The following KCNQ1 variants were observed in gnomAD, a reference collection of about 807,000 sequenced individuals.
KCNQ1 encodes potassium voltage-gated channel subfamily Q member 1, also known as potassium voltage-gated channel subfamily KQT member 1.
A neutral mutation model predicts 72.4 loss-of-function variants in KCNQ1; 49 were observed. The ratio of observed to expected loss-of-function variants is 0.68; its 90% CI spans 0.54 to 0.86. The LOEUF (loss-of-function observed/expected upper bound fraction) is 0.86, where lower values mean the gene tolerates loss of function less well. Ranked by LOEUF, KCNQ1 falls within the 40% of genes least tolerant of loss-of-function variation. KCNQ1 has a pLI of 0.00. For synonymous variants in KCNQ1, 450 were observed against 412.6 expected (o/e 1.09, Z -1.10); for missense variants, 790 against 945.1 (o/e 0.84, Z 2.15).
chr11:2,520,474 C>T (rs1847363221), intron 1 of KCNQ1, among the ~76,000 whole-genome samples: 1 of 152,174 alleles, frequency 6.6e-6, no homozygotes, highest in Non-Finnish European at 1.5e-5. Flanking sequence ...CCTCCAAACC[C>T]TGCTGAGGCT....
Position 2,653,760 on chromosome 11 carries a change from TGG to T in KCNQ1, c.1394-8198_1394-8197del. Reference sequence around the variant, plus strand: ...AGGCCAGGTTCTTATTGGCCTCAGCTGGGGTACAAGCCATCCTTGGACCTGCA... The same window carrying T: ...AGGCCAGGTTCTTATTGGCCTCAGCTGGTACAAGCCATCCTTGGACCTGCA... On this transcript the variant is annotated intron_variant, in intron 10 of 15. Coordinates refer to ENST00000155840, the MANE Select transcript of KCNQ1 (RefSeq NM_000218.3). The surrounding 1 kb of genome is among the most constrained non-coding windows in gnomAD (Gnocchi z 5.3). 2.5e-6 allele frequency: 1 copy of T among 398,654 alleles called. No homozygotes were observed. The highest frequency in any genetic ancestry group is 1.3e-4 in the South Asian group (1 of 7,858). 24.7% of individuals were successfully genotyped at this position (398,654 alleles called of 1,614,324 possible). A position where few individuals can be genotyped will look rare whatever the true frequency, so the allele number is the denominator to read the frequency against.
In KCNQ1 at chr11:2,662,548, T is replaced by C. The variant is rs1169834253; in HGVS notation, c.1514+467T>C. ...TGGCTGATTTTCCACGCCTTCCAGT[T>C]GGCCTTCCCCTGAGGCACAGCTGGC... On this transcript the variant is annotated intron_variant, in intron 11 of 15. Transcript: ENST00000155840. 7 of 428,052 alleles carry C rather than the reference T, an allele frequency of 1.6e-5. No individual in the cohort carries two copies. In the East Asian group the frequency reaches 2.3e-4, roughly 14 times the overall value. 26.5% of individuals were successfully genotyped at this position (428,052 alleles called of 1,614,324 possible).
In KCNQ1 at chr11:2,599,280, CTT is replaced by C. The variant is rs148112278; in HGVS notation, c.1393+10427_1393+10428del. ...ATCATATCATACCTGCTTTCTGCAT[CTT>C]GTTTTTCTCAATCAGTAAAATAGTA... On this transcript the variant is annotated intron_variant, in intron 10 of 15. Transcript: ENST00000155840. The surrounding 1 kb of genome is among the most constrained non-coding windows in gnomAD (Gnocchi z 4.7). Among the ~76,000 whole-genome samples the C allele has an allele frequency of 8.2e-3, 1,242 of 152,286 alleles. 11 individuals carry two copies. Among genetic ancestry groups the C allele is most frequent in the African/African-American group, 0.028 (1,147 of 41,546 alleles).
chr11:2,696,014 A>G (rs184376472), intron 11 of KCNQ1: 76 of 398,646 alleles, frequency 1.9e-4, no homozygotes, highest in African/African-American at 1.5e-3. Flanking sequence ...TCATGAGTGT[A>G]AAAGTGAAAA....
rs1849180997 is a variant in KCNQ1, at chr11:2,621,982, T to A, written c.1393+33128T>A. 1 of 398,280 alleles carries A rather than the reference T, an allele frequency of 2.5e-6. No individual in the cohort carries two copies. Among genetic ancestry groups the A allele is most frequent in the Admixed American group, 4.4e-5 (1 of 22,706 alleles). 24.7% of individuals were successfully genotyped at this position (398,280 alleles called of 1,614,324 possible). On this transcript the variant is annotated intron_variant, in intron 10 of 15. Transcript: ENST00000155840. This position sits in a 1 kb window ranked among gnomAD's most constrained non-coding sequence, Gnocchi z 5.7. ...TTTGGGCTATTTGAAATATCTCTTC[T>A]TTTTTAATGTAGGCAAGGCATTTAT...
chr11:2,460,283 T>G (rs1435573110), intron 1 of KCNQ1, among the ~76,000 whole-genome samples: 3 of 152,246 alleles, frequency 2.0e-5, no homozygotes, highest in African/African-American at 7.2e-5. Flanking sequence ...CCTGTGCTGC[T>G]GGCCTGCATT....
Position 2,651,968 on chromosome 11 carries a change from G to A in KCNQ1, c.1394-9993G>A. On this transcript the variant is annotated intron_variant, in intron 10 of 15. Transcript: ENST00000155840. This position sits in a 1 kb window ranked among gnomAD's most constrained non-coding sequence, Gnocchi z 6.1. ...CAGCCAGCAGCAGTGGGGGAGCCAA[G>A]CTGAGTTGATTACTTTTGACATCAG... 1 of 398,716 alleles carries A rather than the reference G, an allele frequency of 2.5e-6. No individual in the cohort carries two copies. Among genetic ancestry groups the A allele is most frequent in the South Asian group, 1.3e-4 (1 of 7,862 alleles). 24.7% of individuals were successfully genotyped at this position (398,716 alleles called of 1,614,324 possible). A position where few individuals can be genotyped will look rare whatever the true frequency, so the allele number is the denominator to read the frequency against.
chr11:2,465,356 A>G (rs1338983004), intron 1 of KCNQ1, among the ~76,000 whole-genome samples: 5 of 152,130 alleles, frequency 3.3e-5, no homozygotes, highest in African/African-American at 4.8e-5. Flanking sequence ...GCTCTTGGGC[A>G]GTGCACTGTC....
At chr11:2,689,579 C>CA (rs1850555647) in intron 11 of KCNQ1, 2 of 398,540 alleles carry the variant, frequency 5.0e-6, no homozygotes, top group South Asian at 1.3e-4. Context: ...AATCTGTTAG[C>CA]AGTGGTGTCT....
rs545035402 is a variant in KCNQ1, at chr11:2,575,887, C to A, written c.921+2901C>A. 4.6e-5 allele frequency among the ~76,000 whole-genome samples: 7 copies of A among 152,348 alleles called. No individual in the cohort carries two copies. The South Asian group carries it at 1.2e-3, about 27-fold the overall frequency. On this transcript the variant is annotated intron_variant, in intron 6 of 15. Coordinates refer to ENST00000155840, the MANE Select transcript of KCNQ1 (RefSeq NM_000218.3). Reference sequence around the variant, plus strand: ...AACAGAAACTCATGGGCTCTAGAGGCCAGAGCCCGAAGCGAGGTGTGCACA... The same window carrying A: ...AACAGAAACTCATGGGCTCTAGAGGACAGAGCCCGAAGCGAGGTGTGCACA...
chr11:2,741,437 G>A (rs1444007052), intron 11 of KCNQ1, among the ~76,000 whole-genome samples: 1 of 152,172 alleles, frequency 6.6e-6, no homozygotes, highest in Non-Finnish European at 1.5e-5. Context: ...CCTCGGGGCT[G>A]CACACGTGTA....
In KCNQ1 at chr11:2,463,395, C is replaced by A. The variant is rs1048664775; in HGVS notation, c.386+17911C>A. Among the ~76,000 whole-genome samples, 2 of 152,206 alleles carry A rather than the reference C, an allele frequency of 1.3e-5. No individual in the cohort carries two copies. The highest frequency in any genetic ancestry group is 2.4e-5 in the African/African-American group (1 of 41,456). ...CGGCTGCTCAAGGAGCCTGGTACAG[C>A]TGCACGGAGGCGCAGCACCCACAGG... On this transcript the variant is annotated intron_variant, in intron 1 of 15. Coordinates refer to ENST00000155840, the MANE Select transcript of KCNQ1 (RefSeq NM_000218.3). This position sits in a 1 kb window ranked among gnomAD's most constrained non-coding sequence, Gnocchi z 7.0.
rs1343683316 is a variant in KCNQ1 at position 2,817,885 on chromosome 11, T to C, written c.1795-29882T>C. The stretch of plus-strand genomic sequence containing the variant: ...CACTCTCCCCTCCCCAGCCAGCACC[T>C]ACCAGCTTTGCGCAAATGCTCCACA... On this transcript the variant is annotated intron_variant, in intron 15 of 15. Coordinates refer to ENST00000155840, the MANE Select transcript of KCNQ1 (RefSeq NM_000218.3). The surrounding 1 kb of genome is among the most constrained non-coding windows in gnomAD (Gnocchi z 6.1). Among the ~76,000 whole-genome samples, 1 of 152,098 alleles carries C rather than the reference T, an allele frequency of 6.6e-6. No individual in the cohort carries two copies. The highest frequency in any genetic ancestry group is 1.9e-4 in the East Asian group (1 of 5,186).
At position 2,457,688 on chromosome 11, in the gene KCNQ1, G is replaced by A. The variant is rs1432240546; in HGVS notation, c.386+12204G>A. Among the ~76,000 whole-genome samples the A allele has an allele frequency of 2.6e-5, 4 of 152,084 alleles. No individual in the cohort carries two copies. Among genetic ancestry groups the A allele is most frequent in the Non-Finnish European group, 2.9e-5 (2 of 68,032 alleles). On this transcript the variant is annotated intron_variant, in intron 1 of 15. Coordinates refer to ENST00000155840, the MANE Select transcript of KCNQ1 (RefSeq NM_000218.3). The surrounding 1 kb of genome is among the most constrained non-coding windows in gnomAD (Gnocchi z 5.0). ...TACCTGTGGGTGCTGTGCGCACTAC[G>A]TGGGAGACCGGATCGTTTGTACTCC...
chr11:2,607,094 G>A (rs983320065), intron 10 of KCNQ1, among the ~76,000 whole-genome samples: 20 of 151,536 alleles, frequency 1.3e-4, no homozygotes, highest in Non-Finnish European at 2.1e-4. Flanking sequence ...TAGTAAAGAC[G>A]GGGTTTCACC....
At chr11:2,680,041 C>G (rs954377431) in intron 11 of KCNQ1, 1 of 396,140 alleles carries the variant, frequency 2.5e-6, no homozygotes, top group African/African-American at 2.1e-5. Flanking sequence ...CTACAGACAT[C>G]TGCCACCATG....
intron 11 of KCNQ1, among the ~76,000 whole-genome samples, chr11:2,753,846 C>G (rs896638876): frequency 3.3e-5 from 5 of 152,166 alleles, no homozygotes; most frequent in Admixed American, 6.5e-5. Context: ...GAGGCTCACT[C>G]CATTACAACA....
In KCNQ1 at chr11:2,562,103, AC is replaced by A. The variant is rs1848177559; in HGVS notation, c.478-8522del. On this transcript the variant is annotated intron_variant, in intron 2 of 15. Transcript: ENST00000155840. This position sits in a 1 kb window ranked among gnomAD's most constrained non-coding sequence, Gnocchi z 7.5. ...AGGGCAGCCGGACCCCGACTGTGCC[AC>A]CCTCAGCCCAGTGGATGGTGCATCT... Among the ~76,000 whole-genome samples, 1 of 146,824 alleles carries A rather than the reference AC, an allele frequency of 6.8e-6. No individual in the cohort carries two copies. Among genetic ancestry groups the A allele is most frequent in the Non-Finnish European group, 1.5e-5 (1 of 67,386 alleles).
chr11:2,770,974 G>A lies in KCNQ1; in HGVS notation c.1590+2055G>A, dbSNP rs1046018578. Among the ~76,000 whole-genome samples the A allele has an allele frequency of 6.6e-5, 10 of 152,384 alleles. No homozygotes were observed. The East Asian group carries it at 9.6e-4, about 15-fold the overall frequency. ...GGGAAGGGCCAGGGTGTGTCAGTTCGCTGGAGAACAGCATGGTCGTGACAG... is the reference window on the plus strand; with the variant it reads ...GGGAAGGGCCAGGGTGTGTCAGTTCACTGGAGAACAGCATGGTCGTGACAG... On this transcript the variant is annotated intron_variant, in intron 12 of 15. Transcript: ENST00000155840.
Sources: allele counts gnomAD v4.1 joint callset (sites outside exome capture counted in the v4.1 genomes callset), GRCh38; gene constraint gnomAD v4.1.1; non-coding constraint Gnocchi (gnomAD v3.1); transcripts MANE v1.5; gene names NCBI Gene and HGNC (gene_info 2026-07-23, HGNC 2026-07-21).